The following CCDC149 variants were observed in gnomAD, a reference collection of about 807,000 sequenced individuals.
CCDC149 encodes coiled-coil domain containing 149.
CCDC149 carries 45 observed loss-of-function variants against 59.9 expected under a neutral mutation model. That is an observed-to-expected ratio of 0.75 (90% CI 0.59 to 0.96). The LOEUF is 0.96. Among genes scored for constraint, CCDC149 ranks in the 40% least tolerant of loss-of-function variants. The pLI is 0.00. For missense variants in CCDC149, 584 were observed against 664.7 expected (o/e 0.88, Z 1.33); for synonymous variants, 245 against 260.6 (o/e 0.94, Z 0.58).
intron 1 of CCDC149, among the ~76,000 whole-genome samples, chr4:24,932,584 A>G (rs1424171785): frequency 6.6e-6 from 1 of 152,224 alleles, no homozygotes; most frequent in South Asian, 2.1e-4. Flanking sequence ...TGAGTCCTCA[A>G]ACTCTGTAAA....
At chr4:24,911,012 G>A (rs1721839140) in intron 1 of CCDC149, among the ~76,000 whole-genome samples, 1 of 152,136 alleles carries the variant, frequency 6.6e-6, no homozygotes, top group Non-Finnish European at 1.5e-5. Flanking sequence ...GTGAAGTTAA[G>A]GAGGTATTAC....
intron 9 of CCDC149, 44 bp downstream of exon 9, chr4:24,831,462 C>T (rs1303225158): frequency 6.2e-7 from 1 of 1,606,428 alleles, no homozygotes; most frequent in Non-Finnish European, 8.5e-7. Context: ...CCTCGTCCCA[C>T]TTCCTTCGCG....
Position 24,807,382 on chromosome 4 carries a change from T to A in CCDC149, c.*1007A>T, listed in dbSNP as rs1354111729. The A allele has an allele frequency of 1.3e-5, 2 of 152,304 alleles. No individual in the cohort carries two copies. Among genetic ancestry groups the A allele is most frequent in the African/African-American group, 4.8e-5 (2 of 41,458 alleles). 9.4% of individuals were successfully genotyped at this position (152,304 alleles called of 1,614,324 possible). ...CCTCTCTCTTTCCCATAAAAGGTCATGAGCTCTGTTTCTGTCTTTAAGATT... is the reference window on the plus strand; with the variant it reads ...CCTCTCTCTTTCCCATAAAAGGTCAAGAGCTCTGTTTCTGTCTTTAAGATT... On this transcript the variant is annotated 3_prime_UTR_variant, in exon 13 of 13. Transcript: ENST00000635206.
At chr4:24,902,500 C>A (rs927292458) in intron 1 of CCDC149, among the ~76,000 whole-genome samples, 2 of 152,154 alleles carry the variant, frequency 1.3e-5, no homozygotes, top group African/African-American at 4.8e-5. Flanking sequence ...GTGATTTCTG[C>A]CTTTATCTGG....
At chr4:24,836,752 C>A (rs1716556908) in intron 6 of CCDC149, among the ~76,000 whole-genome samples, 1 of 152,146 alleles carries the variant, frequency 6.6e-6, no homozygotes, top group African/African-American at 2.4e-5. Context: ...CGCAGAGATT[C>A]CCTAAGGGAT....
upstream of CCDC149, among the ~76,000 whole-genome samples, chr4:24,913,140 C>G (rs1027556579): frequency 6.6e-6 from 1 of 151,570 alleles, no homozygotes; most frequent in African/African-American, 2.4e-5. Context: ...CCCTCAGCCC[C>G]GCGACCTCGG....
Position 24,912,850 on chromosome 4 carries a change from C to G in CCDC149, c.30G>C (p.Arg10=). 1 of 1,380,872 alleles carries G rather than the reference C, an allele frequency of 7.2e-7. No individual in the cohort carries two copies. Among genetic ancestry groups the G allele is most frequent in the South Asian group, 1.4e-5 (1 of 70,524 alleles). 85.5% of individuals were successfully genotyped at this position (1,380,872 alleles called of 1,614,324 possible). A position where few individuals can be genotyped will look rare whatever the true frequency, so the allele number is the denominator to read the frequency against. The change falls in exon 1 of 13, where the codon CGG becomes CGC. Residue 10 remains arginine (R), a synonymous_variant. Coordinates refer to ENST00000635206, the MANE Select transcript of CCDC149 (RefSeq NM_001330643.2). ...CCAGCCCCTGCCAGTCGCTCTCAGT[C>G]CGGTCGCCGTTCATGGCCTCCTCCT...
intron 1 of CCDC149, among the ~76,000 whole-genome samples, chr4:24,889,367 A>T (rs1363225597): frequency 6.6e-6 from 1 of 152,204 alleles, no homozygotes; most frequent in Non-Finnish European, 1.5e-5. Flanking sequence ...TATTTCTAAA[A>T]ATCATGGCTT....
intron 3 of CCDC149, among the ~76,000 whole-genome samples, chr4:24,871,258 T>C (rs1418193990): frequency 6.6e-6 from 1 of 151,622 alleles, no homozygotes; most frequent in Non-Finnish European, 1.5e-5. Flanking sequence ...GTGTGTGTGT[T>C]GGGCAAACTG....
intron 12 of CCDC149, among the ~76,000 whole-genome samples, chr4:24,810,224 A>C (rs1577371124): frequency 6.6e-6 from 1 of 152,228 alleles, no homozygotes; most frequent in Admixed American, 6.5e-5. Flanking sequence ...ATTTAAGTCC[A>C]TGAGAACAGG....
intron 1 of CCDC149, among the ~76,000 whole-genome samples, chr4:24,950,157 G>C (rs909800045): frequency 2.0e-5 from 3 of 152,242 alleles, no homozygotes; most frequent in African/African-American, 7.2e-5. Context: ...TGAGGTGGCA[G>C]AGAGAGTATG....
chr4:24,963,333 A>G (rs1723700073), intron 1 of CCDC149, among the ~76,000 whole-genome samples: 1 of 152,106 alleles, frequency 6.6e-6, no homozygotes, highest in South Asian at 2.1e-4. Context: ...TTCAATCACC[A>G]AAGCCAGGGT....
intron 1 of CCDC149, among the ~76,000 whole-genome samples, chr4:24,898,850 A>T (rs1038094706): frequency 2.6e-5 from 4 of 152,202 alleles, no homozygotes; most frequent in Non-Finnish European, 5.9e-5. Flanking sequence ...ACCTTTGGAC[A>T]TAAGCAAGTC....
At chr4:24,824,410 T>C (rs1369132060) in intron 9 of CCDC149, among the ~76,000 whole-genome samples, 3 of 152,172 alleles carry the variant, frequency 2.0e-5, no homozygotes, top group Non-Finnish European at 4.4e-5. Flanking sequence ...CAATAGCAAC[T>C]GCATTACTGT....
chr4:24,941,914 A>C (rs1308180771), intron 1 of CCDC149, among the ~76,000 whole-genome samples: 2 of 152,230 alleles, frequency 1.3e-5, no homozygotes, highest in Non-Finnish European at 2.9e-5. Flanking sequence ...ATAGCTTACC[A>C]ACCAAAAAAA....
intron 1 of CCDC149, among the ~76,000 whole-genome samples, chr4:24,952,574 C>T (rs1256455391): frequency 3.8e-5 from 4 of 106,040 alleles, no homozygotes; most frequent in African/African-American, 1.1e-4. Context: ...CCAGCCTGGG[C>T]GAAAGATCAA....
rs527828782 is a variant in CCDC149 at position 24,869,062 on chromosome 4, C to T, written c.264+4619G>A. Among the ~76,000 whole-genome samples the T allele has an allele frequency of 6.6e-5, 10 of 152,334 alleles. No individual in the cohort carries two copies. In the East Asian group the frequency reaches 1.3e-3, roughly 21 times the overall value. ...AGTGAGCACTCAATGACACCGGCTG[C>T]GATTGCTATGATCTGTCCTCCTGCG... On this transcript the variant is annotated intron_variant, in intron 3 of 12. Coordinates refer to ENST00000635206, the MANE Select transcript of CCDC149 (RefSeq NM_001330643.2).
intron 1 of CCDC149, among the ~76,000 whole-genome samples, chr4:24,878,911 C>T (rs1342797670): frequency 2.0e-5 from 3 of 152,192 alleles, no homozygotes; most frequent in African/African-American, 4.8e-5. Context: ...AAGGCACGGT[C>T]CAAATAGGGC....
At chr4:24,874,244 GTTTTTTT>G (rs5856868) in intron 2 of CCDC149, among the ~76,000 whole-genome samples, 2 of 87,488 alleles carry the variant, frequency 2.3e-5, no homozygotes, top group Non-Finnish European at 4.0e-5. Context: ...TATTAGATTT[GTTTTTTT>G]TTTTTTTTGT....
Sources: gnomAD v4.1 joint callset for allele counts (sites outside exome capture counted in the v4.1 genomes callset) on GRCh38, gnomAD v4.1.1 for gene constraint, MANE v1.5 for transcripts, NCBI Gene and HGNC (gene_info 2026-07-23, HGNC 2026-07-21) for gene names.